OIT3: variants seen among roughly 807,000 people sequenced by gnomAD.
OIT3 encodes the protein oncoprotein-induced transcript 3 protein.
OIT3 carries 41 observed loss-of-function variants against 52.2 expected under a neutral mutation model. The ratio of observed to expected loss-of-function variants is 0.79; its 90% CI spans 0.61 to 1.02. OIT3 has a LOEUF of 1.02. OIT3 is among the 50% of genes least tolerant of loss of function. OIT3 has a pLI of 0.00. For missense variants in OIT3, 634 were observed against 715.5 expected (o/e 0.89, Z 1.30); for synonymous variants, 244 against 276.9 (o/e 0.88, Z 1.18).
chr10:72,901,393 T>C (rs1845933848), intron 3 of OIT3, among the ~76,000 whole-genome samples: 1 of 152,200 alleles, frequency 6.6e-6, no homozygotes, highest in African/African-American at 2.4e-5. Context: ...TGTCTATAAC[T>C]AGAAGAGAAC....
chr10:72,925,877 G>C (rs1385283684), intron 7 of OIT3, among the ~76,000 whole-genome samples: 1 of 152,226 alleles, frequency 6.6e-6, no homozygotes, highest in Non-Finnish European at 1.5e-5. Context: ...AAAGTGCTGG[G>C]ATTATAGGTG....
chr10:72,898,046 G>C (rs1423085205), intron 1 of OIT3, among the ~76,000 whole-genome samples: 2 of 151,836 alleles, frequency 1.3e-5, no homozygotes, highest in African/African-American at 2.4e-5. Context: ...AGTTTGGGAG[G>C]CTGAGGCAGG....
chr10:72,910,289 C>T (rs1199754432), intron 4 of OIT3, among the ~76,000 whole-genome samples: 6 of 152,090 alleles, frequency 3.9e-5, no homozygotes, highest in African/African-American at 1.4e-4. Flanking sequence ...TTTGTGCTTT[C>T]TTCTATAGTA....
Position 72,924,300 on chromosome 10 carries a change from G to A in OIT3, c.1023G>A (p.Gly341=), listed in dbSNP as rs762397042. Residue 341 remains glycine, a synonymous_variant, in exon 7 of 9, where the codon GGG becomes GGA. Transcript: ENST00000334011. The part of the protein sequence containing the change: ...GLPKQTPGSS[G]DFIIRTSKLL... ...CCAAGCAGACCCCGGGGAGCAGCGG[G>A]GACTTCATCATCCGAACCAGCAAGC... The A allele has an allele frequency of 3.1e-6, 5 of 1,614,070 alleles. 1 individual carries two copies. The South Asian group carries it at 5.5e-5, about 18-fold the overall frequency.
At chr10:72,918,781 T>C in intron 6 of OIT3, among the ~76,000 whole-genome samples, 1 of 152,034 alleles carries the variant, frequency 6.6e-6, no homozygotes, top group East Asian at 1.9e-4. Flanking sequence ...GATCAGAGAG[T>C]TGTAGGTGTG....
intron 7 of OIT3, among the ~76,000 whole-genome samples, chr10:72,930,274 C>T (rs566789943): frequency 1.2e-4 from 19 of 152,306 alleles, no homozygotes; most frequent in African/African-American, 3.6e-4. Flanking sequence ...AACACTTAAA[C>T]GCATTAACTT....
At position 72,898,846 on chromosome 10, in the gene OIT3, A is replaced by G; in HGVS notation, c.244A>G (p.Thr82Ala). The change falls in exon 2 of 9, where the codon ACC (threonine) becomes GCC (alanine). Residue 82 changes from threonine (T) to alanine (A), a missense_variant. Transcript: ENST00000334011. Reference protein sequence around the residue: ...TFCIPENHCGTHAPVWLNGSH... With the variant: ...TFCIPENHCGAHAPVWLNGSH... ...CTGCATACCAGAAAACCACTGTGGA[A>G]CCCACGCACCTGTCTGGCTCAATGG... The G allele has an allele frequency of 1.2e-6, 2 of 1,614,106 alleles. No homozygotes were observed. The highest frequency in any genetic ancestry group is 1.7e-6 in the Non-Finnish European group (2 of 1,179,992).
intron 6 of OIT3, among the ~76,000 whole-genome samples, chr10:72,916,564 C>T (rs1377720142): frequency 6.6e-6 from 1 of 152,178 alleles, no homozygotes; most frequent in East Asian, 1.9e-4. Flanking sequence ...TTTCTTTACC[C>T]AGCCTATCAT....
intron 6 of OIT3, among the ~76,000 whole-genome samples, chr10:72,917,070 C>T (rs904984666): frequency 6.6e-6 from 1 of 151,918 alleles, no homozygotes; most frequent in African/African-American, 2.4e-5. Flanking sequence ...GGATATTAGA[C>T]CTTCATCAGA....
intron 1 of OIT3, among the ~76,000 whole-genome samples, chr10:72,895,932 G>A (rs569992432): frequency 1.2e-4 from 18 of 152,178 alleles, no homozygotes; most frequent in Non-Finnish European, 2.1e-4. Flanking sequence ...CAGGATATAA[G>A]ACCAGTGGCC....
At chr10:72,930,683 T>TC in intron 8 of OIT3, 46 bp downstream of exon 8, 1 of 895,704 alleles carries the variant, frequency 1.1e-6, no homozygotes, top group Non-Finnish European at 1.6e-6. Context: ...CTGAGCCTTT[T>TC]TTTTTTTTTT....
rs1476551266 is a variant in OIT3 at position 72,899,044 on chromosome 10, T to C, written c.436+6T>C. On this transcript the variant is annotated splice_donor_region_variant and intron_variant, in intron 2 of 8. Coordinates refer to ENST00000334011, the MANE Select transcript of OIT3 (RefSeq NM_152635.3). ...CTTCCACGTCTACTGTGGTCGTGAG[T>C]ACCTTCCCTGTGCTCTTTTTCTCCA... 6.3e-7 allele frequency: 1 copy of C among 1,592,364 alleles called. No homozygotes were observed.
chr10:72,905,385 CG>C (rs1845969317), intron 3 of OIT3, among the ~76,000 whole-genome samples: 1 of 152,002 alleles, frequency 6.6e-6, no homozygotes, highest in African/African-American at 2.4e-5. Flanking sequence ...GCAGGAGTAT[CG>C]CTTGAACCTG....
intron 3 of OIT3, 125 bp from the exon 4 acceptor site, chr10:72,906,470 GA>G (rs1845979476): frequency 2.0e-6 from 2 of 997,576 alleles, no homozygotes; most frequent in Admixed American, 3.9e-5. Flanking sequence ...TACTGGATCA[GA>G]GGGGGAGCTG....
At chr10:72,930,481 G>A in intron 7 of OIT3, 57 bp from the exon 8 acceptor site, 7 of 1,318,918 alleles carry the variant, frequency 5.3e-6, no homozygotes, top group Non-Finnish European at 5.5e-6. Context: ...GGGTTAGATT[G>A]TTTTTCCACC....
At chr10:72,918,505 G>A in intron 6 of OIT3, 1 of 1,399,288 alleles carries the variant, frequency 7.1e-7, no homozygotes, top group East Asian at 2.3e-5. Context: ...GCCTCAGGAG[G>A]CTCATGTCCA....
intron 7 of OIT3, among the ~76,000 whole-genome samples, chr10:72,926,649 T>G (rs1846171982): frequency 6.6e-6 from 1 of 152,182 alleles, no homozygotes; most frequent in Admixed American, 6.5e-5. Flanking sequence ...TTTCATAATA[T>G]GGAAAGTTTG....
At chr10:72,897,907 C>A (rs1294056546) in intron 1 of OIT3, among the ~76,000 whole-genome samples, 1 of 152,074 alleles carries the variant, frequency 6.6e-6, no homozygotes, top group East Asian at 1.9e-4. Flanking sequence ...TGATAGTTCT[C>A]AACTTCTCCT....
In OIT3 at chr10:72,932,485, G is replaced by A. The variant is rs374795474; in HGVS notation, c.1599G>A (p.Thr533=). ...GEDSAGLQGQ[T]LTGGPIRIDW... is the part of the protein sequence containing the mutation. The stretch of plus-strand genomic sequence containing the variant: ...ACTCAGCCGGTCTACAGGGCCAGAC[G>A]CTAACAGGCGGCCCGATCCGCATCG... Residue 533 remains threonine (T), a synonymous_variant, in exon 9 of 9, where the codon ACG becomes ACA. Transcript: ENST00000334011. 10 of 1,612,646 alleles carry A rather than the reference G, an allele frequency of 6.2e-6. No individual in the cohort carries two copies. The highest frequency in any genetic ancestry group is 5.3e-5 in the African/African-American group (4 of 74,902).
Sources: gnomAD v4.1 joint callset for allele counts (sites outside exome capture counted in the v4.1 genomes callset) on GRCh38, gnomAD v4.1.1 for gene constraint, MANE v1.5 for transcripts, NCBI Gene and HGNC (gene_info 2026-07-23, HGNC 2026-07-21) for gene names.